Variants in MEI4 observed in about 807,000 individuals in gnomAD.
The protein encoded by MEI4 is meiosis-specific protein MEI4.
A neutral mutation model predicts 31.4 loss-of-function variants in MEI4; 27 were observed. That is an observed-to-expected ratio of 0.86 (90% confidence interval 0.63 to 1.19). The LOEUF is 1.19. Ranked by LOEUF, MEI4 falls within the 50% of genes most tolerant of loss-of-function variation. The pLI, the probability that MEI4 is intolerant of heterozygous loss-of-function variation, is 0.00. For synonymous variants in MEI4, 122 were observed against 145.4 expected, an observed-to-expected ratio of 0.84 and a Z score of 1.16; for missense variants, 329 against 398.9, an observed-to-expected ratio of 0.82 and a Z score of 1.49.
chr6:77,817,873 A>AC, intron 3 of MEI4, among the ~76,000 whole-genome samples: 1 of 152,202 alleles, frequency 6.6e-6, no homozygotes, highest in South Asian at 2.1e-4. Flanking sequence ...CTCATATTTT[A>AC]CATCCAACAT....
intron 1 of MEI4, among the ~76,000 whole-genome samples, chr6:77,682,694 C>G (rs12194602): frequency 0.018 from 2,808 of 152,254 alleles, 40 homozygotes; most frequent in Non-Finnish European, 0.031. Context: ...CATTTACTCA[C>G]TACTATTTAG....
intron 2 of MEI4, among the ~76,000 whole-genome samples, chr6:77,711,228 T>G (rs1228282754): frequency 6.6e-6 from 1 of 151,934 alleles, no homozygotes; most frequent in Non-Finnish European, 1.5e-5. Flanking sequence ...TTGCCAAGAG[T>G]AGATACTGAA....
rs553721995 is a variant in MEI4, at chr6:77,760,792, C to T, written c.233-338C>T. Among the ~76,000 whole-genome samples, 4 of 152,164 alleles carry T rather than the reference C, an allele frequency of 2.6e-5. No individual in the cohort carries two copies. In the East Asian group the frequency reaches 7.7e-4, roughly 29 times the overall value. ...GGTACACCTTATTGCTTTGTAGTTACCTATTGGATTCACTACCAGACTGTG... is the reference window on the plus strand; with the variant it reads ...GGTACACCTTATTGCTTTGTAGTTATCTATTGGATTCACTACCAGACTGTG... On this transcript the variant is annotated intron_variant, in intron 2 of 4. Coordinates refer to ENST00000684080, the MANE Select transcript of MEI4 (RefSeq NM_001322247.2).
intron 4 of MEI4, among the ~76,000 whole-genome samples, chr6:77,831,150 A>G (rs1244070272): frequency 2.6e-5 from 4 of 151,882 alleles, no homozygotes; most frequent in Non-Finnish European, 5.9e-5. Context: ...CATATGAAAA[A>G]AAAAAAAAAG....
Position 77,720,445 on chromosome 6 carries a change from A to G in MEI4, c.232+29542A>G, listed in dbSNP as rs1582058002. Among the ~76,000 whole-genome samples, 3 of 80,058 alleles carry G rather than the reference A, an allele frequency of 3.7e-5. No individual in the cohort carries two copies. In the Admixed American group the frequency reaches 4.1e-4, roughly 11 times the overall value. The allele number at this position is 80,058 out of a possible 152,430, so 52.5% of individuals were successfully genotyped here. Reference sequence around the variant, plus strand: ...ACTCCCATTACAGCAAAACAAGACAATAAATGTTTTTTAACATGGGAAGTA... The same window carrying G: ...ACTCCCATTACAGCAAAACAAGACAGTAAATGTTTTTTAACATGGGAAGTA... On this transcript the variant is annotated intron_variant, in intron 2 of 4. Coordinates refer to ENST00000684080, the MANE Select transcript of MEI4 (RefSeq NM_001322247.2).
chr6:77,768,914 C>G (rs1057110426), intron 3 of MEI4, among the ~76,000 whole-genome samples: 1 of 151,984 alleles, frequency 6.6e-6, no homozygotes, highest in Non-Finnish European at 1.5e-5. Context: ...AAAAATAAAA[C>G]TATCAAAGGA....
intron 4 of MEI4, among the ~76,000 whole-genome samples, chr6:77,909,234 CA>C (rs1243302332): frequency 6.6e-6 from 1 of 151,822 alleles, no homozygotes; most frequent in Non-Finnish European, 1.5e-5. Flanking sequence ...GATAGAGACA[CA>C]AAAAACCCTT....
chr6:77,806,969 T>G (rs1769456751), intron 3 of MEI4, among the ~76,000 whole-genome samples: 1 of 152,116 alleles, frequency 6.6e-6, no homozygotes, highest in Non-Finnish European at 1.5e-5. Context: ...ATATTTCGTA[T>G]CTGACCTTTT....
intron 2 of MEI4, among the ~76,000 whole-genome samples, chr6:77,728,097 T>A (rs951315686): frequency 6.6e-6 from 1 of 151,476 alleles, no homozygotes; most frequent in Non-Finnish European, 1.5e-5. Context: ...TGCAGACTTG[T>A]TGTGCTTGTT....
chr6:77,884,216 T>C (rs1267009945), intron 4 of MEI4, among the ~76,000 whole-genome samples: 1 of 152,212 alleles, frequency 6.6e-6, no homozygotes, highest in African/African-American at 2.4e-5. Context: ...GTTTTTGGTG[T>C]TGACTTCATG....
At chr6:77,660,772 C>A (rs1373860373) in intron 1 of MEI4, among the ~76,000 whole-genome samples, 1 of 152,118 alleles carries the variant, frequency 6.6e-6, no homozygotes, top group Non-Finnish European at 1.5e-5. Context: ...CCGATGGACA[C>A]AGCTTTATTC....
Position 77,883,044 on chromosome 6 carries a change from G to A in MEI4, c.901-40045G>A, listed in dbSNP as rs186482356. The stretch of plus-strand genomic sequence containing the variant: ...TAATTGCTTATAACGCATATGTCCA[G>A]GTTCGTACAAGTATCGGTTAAGTAA... On this transcript the variant is annotated intron_variant, in intron 4 of 4. Coordinates refer to ENST00000684080, the MANE Select transcript of MEI4 (RefSeq NM_001322247.2). Among the ~76,000 whole-genome samples, 18 of 152,078 alleles carry A rather than the reference G, an allele frequency of 1.2e-4. No individual in the cohort carries two copies. The East Asian group carries it at 3.5e-3, about 29-fold the overall frequency.
At chr6:77,739,470 G>T (rs1767341354) in intron 2 of MEI4, among the ~76,000 whole-genome samples, 1 of 152,050 alleles carries the variant, frequency 6.6e-6, no homozygotes, top group South Asian at 2.1e-4. Flanking sequence ...GACTAATACA[G>T]AACAGAAAAC....
chr6:77,682,881 A>G (rs1233965060), intron 1 of MEI4, among the ~76,000 whole-genome samples: 2 of 152,204 alleles, frequency 1.3e-5, no homozygotes, highest in Non-Finnish European at 2.9e-5. Context: ...GACTGTGGAA[A>G]TGGCTGAAGT....
chr6:77,860,529 A>G (rs915661773), intron 4 of MEI4, among the ~76,000 whole-genome samples: 2 of 152,202 alleles, frequency 1.3e-5, no homozygotes, highest in South Asian at 2.1e-4. Context: ...TTAATAAACT[A>G]CATTTCTTAT....
At chr6:77,733,722 G>C (rs556365398) in intron 2 of MEI4, among the ~76,000 whole-genome samples, 1 of 151,720 alleles carries the variant, frequency 6.6e-6, no homozygotes, top group African/African-American at 2.4e-5. Context: ...GTGATGTTAG[G>C]GTGTCAATTC....
chr6:77,787,845 A>G (rs1365262913), intron 3 of MEI4, among the ~76,000 whole-genome samples: 2 of 152,178 alleles, frequency 1.3e-5, no homozygotes, highest in East Asian at 3.9e-4. Context: ...GAAGTCAAAT[A>G]AAGAAATAGA....
chr6:77,741,383 C>A (rs1173372940), intron 2 of MEI4, among the ~76,000 whole-genome samples: 1 of 152,082 alleles, frequency 6.6e-6, no homozygotes, highest in African/African-American at 2.4e-5. Flanking sequence ...GGGTGACTCT[C>A]TGATTGGTCT....
At chr6:77,835,072 G>A (rs528214620) in intron 4 of MEI4, among the ~76,000 whole-genome samples, 1 of 150,724 alleles carries the variant, frequency 6.6e-6, no homozygotes, top group South Asian at 2.1e-4. Context: ...CAGCCTGATC[G>A]AACCCTGATA....
Sources: gnomAD v4.1 joint callset for allele counts (sites outside exome capture counted in the v4.1 genomes callset) on GRCh38, gnomAD v4.1.1 for gene constraint, MANE v1.5 for transcripts, NCBI Gene and HGNC (gene_info 2026-07-23, HGNC 2026-07-21) for gene names.